The following RASSF1 variants were observed in gnomAD, a reference collection of about 807,000 sequenced individuals.
The protein encoded by RASSF1 is Ras association domain family member 1, also known as ras association domain-containing protein 1.
In RASSF1, 33 loss-of-function variants were observed where a neutral mutation model predicts 34.3. The ratio of observed to expected loss-of-function variants is 0.96; its 90% CI spans 0.73 to 1.29. RASSF1 has a LOEUF of 1.29. RASSF1 is among the 50% of genes most tolerant of loss of function. RASSF1 has a pLI of 0.00. For missense variants in RASSF1, 445 were observed against 471.8 expected (o/e 0.94, Z 0.53); for synonymous variants, 191 against 195.0 (o/e 0.98, Z 0.17).
chr3:50,333,492 TTTGAGACGAAGCCTCAC>T (rs1452516442), intron 2 of RASSF1, among the ~76,000 whole-genome samples: 1 of 152,110 alleles, frequency 6.6e-6, no homozygotes, highest in African/African-American at 2.4e-5. Context: ...TTTTTTTTTT[TTTGAGACGAAGCCTCAC>T]TCTGTCGCCC....
Position 50,330,637 on chromosome 3 carries a change from A to C in RASSF1, c.967T>G (p.Tyr323Asp). Residue 323 changes from tyrosine (Y) to aspartate (D), a missense_variant, in exon 6 of 6, where the codon TAC becomes GAC. Transcript: ENST00000359365. This position sits in a 1 kb window ranked among gnomAD's most constrained non-coding sequence, Gnocchi z 4.5. ...EEHLRQILQK[Y>D]SYCRQKIQEA... ...TGGATCTTCTGGCGGCAATAGGAGT[A>C]CTTCTGCAGGATCTGGCGGAGGTGC... is the stretch of plus-strand genomic sequence containing the variant. The C allele has an allele frequency of 6.2e-7, 1 of 1,614,170 alleles. No individual in the cohort carries two copies. The highest frequency in any genetic ancestry group is 1.1e-5 in the South Asian group (1 of 91,082).
At chr3:50,335,401 C>T (rs1331869332) in intron 2 of RASSF1, among the ~76,000 whole-genome samples, 1 of 146,854 alleles carries the variant, frequency 6.8e-6, no homozygotes, top group East Asian at 2.1e-4. Context: ...ACTGCAACCT[C>T]TGTCTTCTGG....
rs1041730149 is a variant in RASSF1, at chr3:50,330,844, G to A, written c.877-117C>T. On this transcript the variant is annotated intron_variant, in intron 5 of 5. Coordinates refer to ENST00000359365, the MANE Select transcript of RASSF1 (RefSeq NM_007182.5). This position sits in a 1 kb window ranked among gnomAD's most constrained non-coding sequence, Gnocchi z 4.5. ...ACAAGCTAGGACTGGGCTTTCTGATGTCAGGCTCTTGGCTGAATGATCTCT... is the reference window on the plus strand; with the variant it reads ...ACAAGCTAGGACTGGGCTTTCTGATATCAGGCTCTTGGCTGAATGATCTCT... 4 of 1,196,160 alleles carry A rather than the reference G, an allele frequency of 3.3e-6. No individual in the cohort carries two copies. The highest frequency in any genetic ancestry group is 4.6e-6 in the Non-Finnish European group (4 of 865,254). The allele number at this position is 1,196,160 out of a possible 1,614,324, so 74.1% of individuals were successfully genotyped here. A position where few individuals can be genotyped will look rare whatever the true frequency, so the allele number is the denominator to read the frequency against.
In RASSF1 at chr3:50,330,861, A is replaced by G; in HGVS notation, c.877-134T>C. 2 of 1,055,824 alleles carry G rather than the reference A, an allele frequency of 1.9e-6. No homozygotes were observed. The highest frequency in any genetic ancestry group is 2.6e-5 in the East Asian group (1 of 38,150). The allele number at this position is 1,055,824 out of a possible 1,614,324, so 65.4% of individuals were successfully genotyped here. A position where few individuals can be genotyped will look rare whatever the true frequency, so the allele number is the denominator to read the frequency against. ...TTTCTGATGTCAGGCTCTTGGCTGA[A>G]TGATCTCTGGTAGGATCCCTGACAG... On this transcript the variant is annotated intron_variant, in intron 5 of 5. Coordinates refer to ENST00000359365, the MANE Select transcript of RASSF1 (RefSeq NM_007182.5). This position sits in a 1 kb window ranked among gnomAD's most constrained non-coding sequence, Gnocchi z 4.5.
In RASSF1 at chr3:50,330,429, G is replaced by A; in HGVS notation, c.*152C>T. 2.8e-6 allele frequency: 3 copies of A among 1,083,824 alleles called. No homozygotes were observed. The highest frequency in any genetic ancestry group is 3.9e-6 in the Non-Finnish European group (3 of 760,392). The allele number at this position is 1,083,824 out of a possible 1,614,324, so 67.1% of individuals were successfully genotyped here. A position where few individuals can be genotyped will look rare whatever the true frequency, so the allele number is the denominator to read the frequency against. ...CTACACCCACAGGTGGACACAGGGAGCAAGCTACTTCGCTGTTCTCTGGGC... is the reference window on the plus strand; with the variant it reads ...CTACACCCACAGGTGGACACAGGGAACAAGCTACTTCGCTGTTCTCTGGGC... On this transcript the variant is annotated 3_prime_UTR_variant, in exon 6 of 6. Coordinates refer to ENST00000359365, the MANE Select transcript of RASSF1 (RefSeq NM_007182.5). This position sits in a 1 kb window ranked among gnomAD's most constrained non-coding sequence, Gnocchi z 4.5.
In RASSF1 at chr3:50,340,722, A is replaced by T. The variant is rs61754211; in HGVS notation, c.84T>A (p.Arg28=). The change falls in exon 1 of 6, where the codon CGT becomes CGA. Residue 28 remains arginine, a synonymous_variant. Transcript: ENST00000359365. ...CCCGCGCGATGCGCAGCGCGTTGGC[A>T]CGCTCCAGCCGGGTGCGGCCCTTCC... is the stretch of plus-strand genomic sequence containing the variant. ...RAGKGRTRLE[R]ANALRIARGT... is the part of the protein sequence containing the mutation. 9.6e-3 allele frequency: 14,584 copies of T among 1,522,800 alleles called. 81 individuals are homozygous for T. Among genetic ancestry groups the T allele is most frequent in the Non-Finnish European group, 0.012 (13,354 of 1,145,048 alleles). The allele number at this position is 1,522,800 out of a possible 1,614,324, so 94.3% of individuals were successfully genotyped here. A position where few individuals can be genotyped will look rare whatever the true frequency, so the allele number is the denominator to read the frequency against.
intron 1 of RASSF1, 52 bp from the exon 2 acceptor site, chr3:50,338,063 C>A (rs952840010): frequency 1.3e-6 from 2 of 1,541,292 alleles, no homozygotes; most frequent in Admixed American, 2.0e-5. Context: ...GGGGAAATGT[C>A]CCGGAGATTG....
intron 2 of RASSF1, among the ~76,000 whole-genome samples, chr3:50,335,456 A>G (rs1028347469): frequency 6.6e-6 from 1 of 151,474 alleles, no homozygotes. Flanking sequence ...AGCTGGGATT[A>G]CAGGCACACA....
At chr3:50,338,345 T>C in intron 1 of RASSF1, 1 of 495,190 alleles carries the variant, frequency 2.0e-6, no homozygotes, top group Non-Finnish European at 2.8e-6. Flanking sequence ...AATGGCGCGA[T>C]TTCGGCTCAC....
Position 50,335,457 on chromosome 3 carries a change from C to T in RASSF1, c.357+2448G>A, listed in dbSNP as rs138340694. On this transcript the variant is annotated intron_variant, in intron 2 of 5. Transcript: ENST00000359365. Reference sequence around the variant, plus strand: ...TCAGCCTCCCCAGTAGCTGGGATTACAGGCACACACCACCATGGCCAGATA... The same window carrying T: ...TCAGCCTCCCCAGTAGCTGGGATTATAGGCACACACCACCATGGCCAGATA... Among the ~76,000 whole-genome samples the T allele has an allele frequency of 3.3e-3, 501 of 152,050 alleles. 11 individuals carry two copies. The highest frequency in any genetic ancestry group is 0.028 in the Admixed American group (426 of 15,252).
intron 2 of RASSF1, chr3:50,337,446 A>G (rs1056076372): frequency 6.4e-7 from 1 of 1,571,440 alleles, no homozygotes; most frequent in Non-Finnish European, 8.6e-7. Context: ...GCAACCGTTA[A>G]GACTGAAACG....
At chr3:50,333,981 A>T (rs189450003) in intron 2 of RASSF1, among the ~76,000 whole-genome samples, 127 of 152,282 alleles carry the variant, frequency 8.3e-4, no homozygotes, top group African/African-American at 2.8e-3. Flanking sequence ...AGACACAGCT[A>T]AGCTCAGCGC....
At chr3:50,332,336 A>G (rs948457253) in intron 2 of RASSF1, among the ~76,000 whole-genome samples, 182 bp from the exon 3 acceptor site, 17 of 152,176 alleles carry the variant, frequency 1.1e-4, no homozygotes, top group Admixed American at 1.1e-3. Context: ...CTCTGGGTGG[A>G]TAAGGGAAAG....
chr3:50,335,121 TG>T (rs1363055911), intron 2 of RASSF1, among the ~76,000 whole-genome samples: 1 of 152,042 alleles, frequency 6.6e-6, no homozygotes, highest in African/African-American at 2.4e-5. Context: ...GCTAATTTTT[TG>T]TATTTTTAGT....
At chr3:50,336,874 G>C (rs1703155667) in intron 2 of RASSF1, 2 of 426,330 alleles carry the variant, frequency 4.7e-6, no homozygotes. Context: ...CTGCTCGGTC[G>C]GCTTTAGTCA....
chr3:50,340,648 C>A lies in RASSF1; in HGVS notation c.158G>T (p.Arg53Leu). The change falls in exon 1 of 6, where the codon CGC (arginine) becomes CTC (leucine). Residue 53 changes from arginine (R) to leucine (L), a missense_variant. Arg to Leu is a moderately radical substitution (Grantham distance 102). Transcript: ENST00000359365. ...TRQLVPGRGH[R>L]FQPAGPATHT... Reference sequence around the variant, plus strand: ...CGTGGCGGGCCCCGCGGGCTGGAAGCGGTGGCCACGGCCAGGGACCAGCTG... The same window carrying A: ...CGTGGCGGGCCCCGCGGGCTGGAAGAGGTGGCCACGGCCAGGGACCAGCTG... 3 of 1,525,776 alleles carry A rather than the reference C, an allele frequency of 2.0e-6. No individual in the cohort carries two copies. The highest frequency in any genetic ancestry group is 2.6e-6 in the Non-Finnish European group (3 of 1,147,118). The allele number at this position is 1,525,776 out of a possible 1,614,324, so 94.5% of individuals were successfully genotyped here.
chr3:50,330,795 A>G lies in RASSF1; in HGVS notation c.877-68T>C. On this transcript the variant is annotated intron_variant, in intron 5 of 5. Coordinates refer to ENST00000359365, the MANE Select transcript of RASSF1 (RefSeq NM_007182.5). This position sits in a 1 kb window ranked among gnomAD's most constrained non-coding sequence, Gnocchi z 4.5. ...GGCCAAGCCAGCAGACCCTCCCCAG[A>G]GAAGACTAGCACCTCATGTTCACAC... 1 of 1,524,626 alleles carries G rather than the reference A, an allele frequency of 6.6e-7. No homozygotes were observed. The highest frequency in any genetic ancestry group is 9.0e-7 in the Non-Finnish European group (1 of 1,113,820). The allele number at this position is 1,524,626 out of a possible 1,614,324, so 94.4% of individuals were successfully genotyped here.
At chr3:50,331,237 T>C in intron 5 of RASSF1, 97 bp downstream of exon 5, 3 of 996,862 alleles carry the variant, frequency 3.0e-6, no homozygotes, top group Non-Finnish European at 4.3e-6. Flanking sequence ...TTTGCAGGGC[T>C]TGTCTTCCAG....
rs782050403 is a variant in RASSF1, at chr3:50,330,478, C to A, written c.*103G>T. 2.2e-4 allele frequency: 327 copies of A among 1,476,326 alleles called. No homozygotes were observed. The highest frequency in any genetic ancestry group is 3.0e-4 in the Non-Finnish European group (319 of 1,079,118). 91.5% of individuals were successfully genotyped at this position (1,476,326 alleles called of 1,614,324 possible). ...GCTCATTCCCCCAGCACAGGAGGGCCTCCATGCACACTCATTCCACAGGCC... is the reference window on the plus strand; with the variant it reads ...GCTCATTCCCCCAGCACAGGAGGGCATCCATGCACACTCATTCCACAGGCC... On this transcript the variant is annotated 3_prime_UTR_variant, in exon 6 of 6. Transcript: ENST00000359365. The surrounding 1 kb of genome is among the most constrained non-coding windows in gnomAD (Gnocchi z 4.5).
Sources: gnomAD v4.1 joint callset for allele counts (sites outside exome capture counted in the v4.1 genomes callset) on GRCh38, gnomAD v4.1.1 for gene constraint, Gnocchi (gnomAD v3.1) non-coding constraint, MANE v1.5 for transcripts, NCBI Gene and HGNC (gene_info 2026-07-23, HGNC 2026-07-21) for gene names.